PDGFRB: variants seen among roughly 807,000 people sequenced by gnomAD.
The protein encoded by PDGFRB is platelet-derived growth factor receptor beta.
A neutral mutation model predicts 120.2 loss-of-function variants in PDGFRB; 42 were observed. The ratio of observed to expected loss-of-function variants is 0.35; its 90% CI spans 0.27 to 0.45. The LOEUF (loss-of-function observed/expected upper bound fraction) is 0.45, where lower values mean the gene tolerates loss of function less well. Ranked by LOEUF, PDGFRB falls within the 20% of genes least tolerant of loss-of-function variation. PDGFRB has a pLI of 1.00. For synonymous variants in PDGFRB, 586 were observed against 606.8 expected (o/e 0.97, Z 0.50); for missense variants, 1,149 against 1,476.3 (o/e 0.78, Z 3.63).
chr5:150,125,868 T>C (rs1760279685), intron 11 of PDGFRB, among the ~76,000 whole-genome samples: 1 of 152,180 alleles, frequency 6.6e-6, no homozygotes, highest in African/African-American at 2.4e-5. Flanking sequence ...TCTCCCAGCC[T>C]TCGCTGCTCC....
chr5:150,126,652 G>A, intron 10 of PDGFRB, 38 bp from the exon 11 acceptor site: 2 of 1,092,162 alleles, frequency 1.8e-6, no homozygotes, highest in South Asian at 2.5e-5. Flanking sequence ...GAGCAAACTG[G>A]GCAGCTACCC....
intron 1 of PDGFRB, among the ~76,000 whole-genome samples, chr5:150,154,413 G>T (rs11167497): frequency 0.15 from 23,282 of 152,166 alleles, 2,266 homozygotes; most frequent in Middle Eastern, 0.28. Flanking sequence ...TGAGCCTCAA[G>T]TTCCTCATGT....
intron 6 of PDGFRB, 103 bp downstream of exon 6, chr5:150,133,483 G>A (rs1317405293): frequency 1.4e-5 from 13 of 954,390 alleles, no homozygotes; most frequent in Non-Finnish European, 2.2e-5. Context: ...CCTGATCACT[G>A]TATCAAAAAT....
chr5:150,142,377 T>C (rs1436930581), intron 1 of PDGFRB, among the ~76,000 whole-genome samples: 1 of 152,176 alleles, frequency 6.6e-6, no homozygotes, highest in Non-Finnish European at 1.5e-5. Context: ...CACATTGACC[T>C]TTGTTTCAAA....
In PDGFRB at chr5:150,155,801, G is replaced by C. The variant is rs928447112; in HGVS notation, c.-411C>G. On this transcript the variant is annotated 5_prime_UTR_variant, in exon 1 of 23. Transcript: ENST00000261799. Reference sequence around the variant, plus strand: ...TCTCTGGCTCCAAGTTGCTCACAGAGCGATCCTGGGTCCCAGATAGGGCGG... The same window carrying C: ...TCTCTGGCTCCAAGTTGCTCACAGACCGATCCTGGGTCCCAGATAGGGCGG... 2 of 397,710 alleles carry C rather than the reference G, an allele frequency of 5.0e-6. No individual in the cohort carries two copies. Among genetic ancestry groups the C allele is most frequent in the African/African-American group, 4.1e-5 (2 of 48,622 alleles). 24.6% of individuals were successfully genotyped at this position (397,710 alleles called of 1,614,324 possible). A position where few individuals can be genotyped will look rare whatever the true frequency, so the allele number is the denominator to read the frequency against.
chr5:150,135,552 T>C lies in PDGFRB; in HGVS notation c.364+3A>G, dbSNP rs977339604. On this transcript the variant is annotated splice_donor_region_variant and intron_variant, in intron 3 of 22. Transcript: ENST00000261799. ...AGTGGGCACACAGGCTGGGAGCCCT[T>C]ACCTGGCACAAAGATGTAGAGCCGT... 2 of 1,590,214 alleles carry C rather than the reference T, an allele frequency of 1.3e-6. No homozygotes were observed. The highest frequency in any genetic ancestry group is 1.3e-5 in the African/African-American group (1 of 74,668).
At position 150,121,611 on chromosome 5, in the gene PDGFRB, C is replaced by G. The variant is rs1760136396; in HGVS notation, c.2344+269G>C. On this transcript the variant is annotated intron_variant, in intron 16 of 22. Coordinates refer to ENST00000261799, the MANE Select transcript of PDGFRB (RefSeq NM_002609.4). The surrounding 1 kb of genome is among the most constrained non-coding windows in gnomAD (Gnocchi z 4.1). Reference sequence around the variant, plus strand: ...AGCCTGGGGCTGAAGCTGAGTAGATCACTTTCCCTACCACGACAAAAGGCC... The same window carrying G: ...AGCCTGGGGCTGAAGCTGAGTAGATGACTTTCCCTACCACGACAAAAGGCC... Among the ~76,000 whole-genome samples the G allele has an allele frequency of 6.6e-6, 1 of 152,242 alleles. No homozygotes were observed. The highest frequency in any genetic ancestry group is 2.4e-5 in the African/African-American group (1 of 41,466).
At chr5:150,130,919 A>G (rs1224642510) in intron 8 of PDGFRB, among the ~76,000 whole-genome samples, 1 of 152,138 alleles carries the variant, frequency 6.6e-6, no homozygotes. Context: ...TAACAAAGGG[A>G]GGCTAGGCCT....
intron 8 of PDGFRB, among the ~76,000 whole-genome samples, chr5:150,131,005 T>G (rs2113904667): frequency 6.6e-6 from 1 of 152,320 alleles, no homozygotes; most frequent in South Asian, 2.1e-4. Context: ...CTGAGTTTAT[T>G]TTAGTGGTTG....
Position 150,121,460 on chromosome 5 carries a change from G to T in PDGFRB, c.2345-138C>A. ...TCTAGGTCTCCCCTAAAAGGAGAATGATTTCTTAATATCAAACTCAAAGTT... is the reference window on the plus strand; with the variant it reads ...TCTAGGTCTCCCCTAAAAGGAGAATTATTTCTTAATATCAAACTCAAAGTT... On this transcript the variant is annotated intron_variant, in intron 16 of 22. Transcript: ENST00000261799. The surrounding 1 kb of genome is among the most constrained non-coding windows in gnomAD (Gnocchi z 4.1). 1.5e-6 allele frequency: 1 copy of T among 661,928 alleles called. No individual in the cohort carries two copies. The highest frequency in any genetic ancestry group is 1.7e-5 in the South Asian group (1 of 57,596). 41.0% of individuals were successfully genotyped at this position (661,928 alleles called of 1,614,324 possible).
chr5:150,134,642 G>T, intron 4 of PDGFRB, 108 bp downstream of exon 4: 1 of 1,014,596 alleles, frequency 9.9e-7, no homozygotes, highest in Non-Finnish European at 1.5e-6. Context: ...GCTGTGGTGA[G>T]AATCCACTGG....
chr5:150,154,269 A>G (rs1260874164), intron 1 of PDGFRB, among the ~76,000 whole-genome samples: 1 of 152,094 alleles, frequency 6.6e-6, no homozygotes, highest in East Asian at 1.9e-4. Flanking sequence ...GATGGTGCGC[A>G]TTCCTTCTGG....
intron 21 of PDGFRB, among the ~76,000 whole-genome samples, chr5:150,118,449 C>T (rs751459307): frequency 7.9e-5 from 12 of 152,156 alleles, no homozygotes; most frequent in Admixed American, 3.3e-4. Context: ...AGGAGCCCCA[C>T]GGTTCGGTAT....
Position 150,115,735 on chromosome 5 carries a change from C to T in PDGFRB, c.*28G>A, listed in dbSNP as rs376167357. On this transcript the variant is annotated 3_prime_UTR_variant, in exon 23 of 23. Coordinates refer to ENST00000261799, the MANE Select transcript of PDGFRB (RefSeq NM_002609.4). ...CTGGGTGCTGGCAGGGGGGGAGCTT[C>T]AGGCAGGGCAGGGTAGGGGCCAGCC... 14 of 1,536,302 alleles carry T rather than the reference C, an allele frequency of 9.1e-6. No individual in the cohort carries two copies. The highest frequency in any genetic ancestry group is 1.2e-5 in the Non-Finnish European group (14 of 1,142,276).
intron 8 of PDGFRB, among the ~76,000 whole-genome samples, chr5:150,131,640 T>A (rs1580806688): frequency 6.6e-6 from 1 of 152,128 alleles, no homozygotes; most frequent in Non-Finnish European, 1.5e-5. Flanking sequence ...TTCAAGAACC[T>A]TGAAGAGACA....
intron 1 of PDGFRB, among the ~76,000 whole-genome samples, chr5:150,154,237 G>C (rs1761161276): frequency 6.6e-6 from 1 of 152,118 alleles, no homozygotes; most frequent in Non-Finnish European, 1.5e-5. Flanking sequence ...GGGGAAGAGG[G>C]AGGGCAAATG....
In PDGFRB at chr5:150,119,563, C is replaced by G. The variant is rs1760066330; in HGVS notation, c.2702G>C (p.Gly901Ala). 1 of 1,601,164 alleles carries G rather than the reference C, an allele frequency of 6.2e-7. No homozygotes were observed. Among genetic ancestry groups the G allele is most frequent in the Non-Finnish European group, 8.6e-7 (1 of 1,168,134 alleles). The change falls in exon 20 of 23, where the codon GGC (glycine) becomes GCC (alanine). Residue 901 changes from glycine (G) to alanine (A), a missense_variant. This residue lies in a region of PDGFRB where 68 missense variants were observed against 153.3 expected (regional missense o/e 0.44). Transcript: ENST00000261799. ...ILLWEIFTLG[G>A]TPYPELPMNE... ...CATGGGCAGCTCTGGGTAAGGGGTG[C>G]CACCTGTTGGGGAGCAGAGACAAGA...
In PDGFRB at chr5:150,135,004, C is replaced by G. The variant is rs371293050; in HGVS notation, c.377G>C (p.Gly126Ala). 1.9e-6 allele frequency: 3 copies of G among 1,579,522 alleles called. No homozygotes were observed. Among genetic ancestry groups the G allele is most frequent in the Non-Finnish European group, 2.6e-6 (3 of 1,152,386 alleles). Reference sequence around the variant, plus strand: ...TTCCTCGGCATCATTAGGGAGGAAGCCCACGGTGGGATCTGCCAGGAGTGG... The same window carrying G: ...TTCCTCGGCATCATTAGGGAGGAAGGCCACGGTGGGATCTGCCAGGAGTGG... ...LYIFVPDPTV[G>A]FLPNDAEELF... Residue 126 changes from glycine to alanine, a missense_variant, in exon 4 of 23, where the codon GGC becomes GCC. Physicochemically the swap from Gly to Ala is moderately conservative, Grantham distance 60. Around this residue, in one of 3 missense-constraint regions of PDGFRB, gnomAD observed 879 missense variants for 1,108.6 expected, o/e 0.79. Transcript: ENST00000261799.
intron 11 of PDGFRB, 121 bp downstream of exon 11, chr5:150,126,399 A>G: frequency 1.4e-6 from 1 of 697,072 alleles, no homozygotes; most frequent in Non-Finnish European, 2.6e-6. Flanking sequence ...TCCCCACCTG[A>G]GTTCCATGCT....
Sources: gnomAD v4.1 joint callset for allele counts (sites outside exome capture counted in the v4.1 genomes callset) on GRCh38, gnomAD v4.1.1 for gene constraint, gnomAD v4.1.1 regional missense constraint, Gnocchi (gnomAD v3.1) non-coding constraint, MANE v1.5 for transcripts, NCBI Gene and HGNC (gene_info 2026-07-23, HGNC 2026-07-21) for gene names.